The following DYNC1H1 variants were observed in gnomAD, a reference collection of about 807,000 sequenced individuals.
DYNC1H1 encodes the protein cytoplasmic dynein 1 heavy chain 1.
A neutral mutation model predicts 527.1 loss-of-function variants in DYNC1H1; 51 were observed. That is an observed-to-expected ratio of 0.10 (90% confidence interval 0.08 to 0.12). The LOEUF is 0.12. Among genes scored for constraint, DYNC1H1 ranks in the 10% least tolerant of loss-of-function variants. The pLI is 1.00. For synonymous variants in DYNC1H1, 2,189 were observed against 2,278.8 expected (o/e 0.96, Z 1.12); for missense variants, 2,771 against 5,971.8 (o/e 0.46, Z 17.66).
chr14:102,043,392 G>A (rs1358021099), intron 69 of DYNC1H1: 2 of 250,576 alleles, frequency 8.0e-6, no homozygotes, highest in African/African-American at 4.6e-5. Context: ...TTTGATTATG[G>A]GGTGTGATGA....
chr14:102,008,067 G>A, intron 28 of DYNC1H1, 111 bp from the exon 29 acceptor site: 2 of 1,514,634 alleles, frequency 1.3e-6, no homozygotes, highest in South Asian at 2.3e-5. Flanking sequence ...TTTCGCTAAA[G>A]ACAAACCCAC....
chr14:102,006,091 G>C lies in DYNC1H1; in HGVS notation c.5637G>C (p.Leu1879=). 6.2e-7 allele frequency: 1 copy of C among 1,614,208 alleles called. No homozygotes were observed. The highest frequency in any genetic ancestry group is 8.5e-7 in the Non-Finnish European group (1 of 1,180,040). The part of the protein sequence containing the change: ...GFEYLGVQDK[L]VQTPLTDRCY... ...AGTACCTGGGTGTTCAGGACAAACTGGTCCAGACCCCCCTCACTGACCGCT... is the reference window on the plus strand; with the variant it reads ...AGTACCTGGGTGTTCAGGACAAACTCGTCCAGACCCCCCTCACTGACCGCT... The change falls in exon 27 of 78, where the codon CTG becomes CTC. Residue 1879 remains leucine (L), a synonymous_variant. Transcript: ENST00000360184.
intron 4 of DYNC1H1, 122 bp downstream of exon 4, chr14:101,980,096 G>A: frequency 6.8e-7 from 1 of 1,469,044 alleles, no homozygotes; most frequent in Non-Finnish European, 9.3e-7. Context: ...GCCGCCTCTT[G>A]GTCCTGGGAC....
At position 102,038,746 on chromosome 14, in the gene DYNC1H1, A is replaced by G; in HGVS notation, c.11104A>G (p.Thr3702Ala). Residue 3702 changes from threonine to alanine, a missense_variant, in exon 59 of 78, where the codon ACA becomes GCA. Thr to Ala is a moderately conservative substitution (Grantham distance 58, BLOSUM62 0). Coordinates refer to ENST00000360184, the MANE Select transcript of DYNC1H1 (RefSeq NM_001376.5). This position sits in a 1 kb window ranked among gnomAD's most constrained non-coding sequence, Gnocchi z 7.2. ...TTCCCGGGTTACTTTTGTAAACTTC[A>G]CAGTTACCCGTAGCAGTTTACAAAG... ...LCSRVTFVNF[T>A]VTRSSLQSQC... 6.2e-7 allele frequency: 1 copy of G among 1,614,194 alleles called. No individual in the cohort carries two copies. The highest frequency in any genetic ancestry group is 8.5e-7 in the Non-Finnish European group (1 of 1,180,046).
intron 23 of DYNC1H1, among the ~76,000 whole-genome samples, 182 bp from the exon 24 acceptor site, chr14:102,004,336 G>C (rs1465242196): frequency 6.6e-6 from 1 of 152,222 alleles, no homozygotes; most frequent in Admixed American, 6.5e-5. Flanking sequence ...TCAAGATCTT[G>C]TTAGGTAAGT....
chr14:102,001,448 C>T lies in DYNC1H1; in HGVS notation c.4396-87C>T, dbSNP rs549411705. The T allele has an allele frequency of 1.9e-6, 3 of 1,612,672 alleles. No individual in the cohort carries two copies. Among genetic ancestry groups the T allele is most frequent in the Non-Finnish European group, 2.5e-6 (3 of 1,178,982 alleles). On this transcript the variant is annotated intron_variant, in intron 20 of 77. Coordinates refer to ENST00000360184, the MANE Select transcript of DYNC1H1 (RefSeq NM_001376.5). The surrounding 1 kb of genome is among the most constrained non-coding windows in gnomAD (Gnocchi z 5.0). ...AAAATGGAGCCTTGTCATCTGTGGTCCTTTTGGTTCTTATAATGCTGGGTC... is the reference window on the plus strand; with the variant it reads ...AAAATGGAGCCTTGTCATCTGTGGTTCTTTTGGTTCTTATAATGCTGGGTC...
intron 43 of DYNC1H1, among the ~76,000 whole-genome samples, chr14:102,025,976 A>G (rs1478298563): frequency 2.6e-5 from 4 of 152,066 alleles, no homozygotes; most frequent in African/African-American, 9.7e-5. Context: ...TTACCTGGGC[A>G]TGGTGGTACG....
chr14:101,987,715 C>T, intron 9 of DYNC1H1, 83 bp downstream of exon 9: 1 of 1,501,748 alleles, frequency 6.7e-7, no homozygotes, highest in Non-Finnish European at 9.2e-7. Context: ...CACTAAAAAG[C>T]ATTTTTCCTT....
intron 72 of DYNC1H1, among the ~76,000 whole-genome samples, chr14:102,046,741 C>G (rs2048724818): frequency 1.3e-5 from 2 of 152,110 alleles, no homozygotes; most frequent in Non-Finnish European, 2.9e-5. Flanking sequence ...ACAGTGAACC[C>G]AAACCCAGGG....
rs764860331 is a variant in DYNC1H1 at position 102,015,929 on chromosome 14, A to G, written c.7316A>G (p.His2439Arg). ...SNGLVTKALE[H>R]AFQLEHIMDL... ...GGCCTGGTCACCAAGGCGCTAGAGCACGCCTTCCAGCTGGAGCACATCATG... is the reference window on the plus strand; with the variant it reads ...GGCCTGGTCACCAAGGCGCTAGAGCGCGCCTTCCAGCTGGAGCACATCATG... Residue 2439 changes from histidine (H) to arginine (R), a missense_variant, in exon 36 of 78, where the codon CAC becomes CGC. Around this residue, in one of 32 missense-constraint regions of DYNC1H1, gnomAD observed 122 missense variants for 168.4 expected, o/e 0.72. Coordinates refer to ENST00000360184, the MANE Select transcript of DYNC1H1 (RefSeq NM_001376.5). The surrounding 1 kb of genome is among the most constrained non-coding windows in gnomAD (Gnocchi z 6.9). The G allele has an allele frequency of 6.2e-7, 1 of 1,614,238 alleles. No homozygotes were observed. The highest frequency in any genetic ancestry group is 8.5e-7 in the Non-Finnish European group (1 of 1,180,046).
intron 42 of DYNC1H1, among the ~76,000 whole-genome samples, chr14:102,021,656 C>CTTTTTTT (rs757880988): frequency 8.7e-4 from 104 of 119,800 alleles, no homozygotes; most frequent in Non-Finnish European, 1.1e-3. Context: ...TTTTCTTTTT[C>CTTTTTTT]TTTTTTTTTT....
At chr14:101,988,631 C>G (rs1199791910) in intron 9 of DYNC1H1, 72 bp from the exon 10 acceptor site, 2 of 1,603,816 alleles carry the variant, frequency 1.2e-6, no homozygotes, top group Non-Finnish European at 1.7e-6. Context: ...ACACCTACCA[C>G]TTTCTGATTG....
chr14:101,995,482 G>T (rs559771013), intron 15 of DYNC1H1, among the ~76,000 whole-genome samples, 182 bp downstream of exon 15: 36 of 152,110 alleles, frequency 2.4e-4, no homozygotes, highest in African/African-American at 8.4e-4. Flanking sequence ...GTGGTGGCGG[G>T]TACCTGTGGT....
chr14:101,965,095 A>G lies in DYNC1H1; in HGVS notation c.256+148A>G, dbSNP rs2141258875. 1 of 874,080 alleles carries G rather than the reference A, an allele frequency of 1.1e-6. No individual in the cohort carries two copies. The highest frequency in any genetic ancestry group is 3.3e-5 in the East Asian group (1 of 30,520). The allele number at this position is 874,080 out of a possible 1,614,324, so 54.1% of individuals were successfully genotyped here. ...TGGATGGGCAGAGCCCGGCGGCCGC[A>G]GACGTCCCGCCGGCCGGGTCCCCAG... is the stretch of plus-strand genomic sequence containing the variant. On this transcript the variant is annotated intron_variant, in intron 1 of 77. Coordinates refer to ENST00000360184, the MANE Select transcript of DYNC1H1 (RefSeq NM_001376.5). This position sits in a 1 kb window ranked among gnomAD's most constrained non-coding sequence, Gnocchi z 4.1.
rs757894227 is a variant in DYNC1H1 at position 102,005,170 on chromosome 14, C to T, written c.5367C>T (p.Leu1789=). 1.2e-5 allele frequency: 19 copies of T among 1,614,100 alleles called. No individual in the cohort carries two copies. Among genetic ancestry groups the T allele is most frequent in the Non-Finnish European group, 1.4e-5 (16 of 1,180,048 alleles). Reference sequence around the variant, plus strand: ...TGCTGAGCAATGTGGAGGTCACCCTCAATGTGTTAGCAGACTCTGTCCTCA... The same window carrying T: ...TGCTGAGCAATGTGGAGGTCACCCTTAATGTGTTAGCAGACTCTGTCCTCA... The part of the protein sequence containing the change: ...HSVLSNVEVT[L]NVLADSVLME... The change falls in exon 26 of 78, where the codon CTC becomes CTT. Residue 1789 remains leucine, a synonymous_variant. Transcript: ENST00000360184. This position sits in a 1 kb window ranked among gnomAD's most constrained non-coding sequence, Gnocchi z 4.0.
chr14:101,994,904 C>T (rs776838766), intron 13 of DYNC1H1, 55 bp downstream of exon 13: 119 of 1,613,710 alleles, frequency 7.4e-5, no homozygotes, highest in Non-Finnish European at 9.6e-5. Flanking sequence ...AGCAACATTT[C>T]TGTTAGACTG....
chr14:102,019,624 C>T (rs191838753), intron 41 of DYNC1H1, among the ~76,000 whole-genome samples: 429 of 152,300 alleles, frequency 2.8e-3, no homozygotes, highest in Non-Finnish European at 5.0e-3. Context: ...CATTTGGAGA[C>T]GGAGTCTCAC....
At position 102,017,641 on chromosome 14, in the gene DYNC1H1, T is replaced by C; in HGVS notation, c.8177+137T>C. ...TTGTGGATTCCTCTTGGGTTACTTC[T>C]CTGTGCTGTAATGCCAGGAAAACAT... On this transcript the variant is annotated intron_variant, in intron 40 of 77. Transcript: ENST00000360184. The surrounding 1 kb of genome is among the most constrained non-coding windows in gnomAD (Gnocchi z 4.6). 1 of 1,484,888 alleles carries C rather than the reference T, an allele frequency of 6.7e-7. No individual in the cohort carries two copies. Among genetic ancestry groups the C allele is most frequent in the Non-Finnish European group, 9.3e-7 (1 of 1,075,544 alleles). 92.0% of individuals were successfully genotyped at this position (1,484,888 alleles called of 1,614,324 possible).
intron 63 of DYNC1H1, 68 bp from the exon 64 acceptor site, chr14:102,040,530 G>T: frequency 1.2e-6 from 2 of 1,611,344 alleles, no homozygotes; most frequent in Non-Finnish European, 8.5e-7. Flanking sequence ...TCAGACTCTC[G>T]CTCAGTCGTG....
Sources: allele counts gnomAD v4.1 joint callset (sites outside exome capture counted in the v4.1 genomes callset), GRCh38; gene constraint gnomAD v4.1.1; regional missense constraint gnomAD v4.1.1; non-coding constraint Gnocchi (gnomAD v3.1); transcripts MANE v1.5; gene names NCBI Gene and HGNC (gene_info 2026-07-23, HGNC 2026-07-21).